ITPRID2: variants seen among roughly 807,000 people sequenced by gnomAD.
The protein encoded by ITPRID2 is protein ITPRID2.
A neutral mutation model predicts 124.3 loss-of-function variants in ITPRID2; 60 were observed. The observed-to-expected ratio is 0.48, with a 90% CI of 0.39 to 0.60. ITPRID2 has a LOEUF of 0.60. Among genes scored for constraint, ITPRID2 ranks in the 20% least tolerant of loss-of-function variants. The probability of loss-of-function intolerance (pLI) is 0.00; values close to 1 mark genes in which losing one functional copy is unlikely to be tolerated. For synonymous variants in ITPRID2, 521 were observed against 542.9 expected, an observed-to-expected ratio of 0.96 and a Z score of 0.56; for missense variants, 1,553 against 1,512.2, an observed-to-expected ratio of 1.03 and a Z score of -0.45.
chr2:181,892,426 T>C lies in ITPRID2; in HGVS notation c.211+149T>C, dbSNP rs1574182265. The C allele has an allele frequency of 2.6e-6, 3 of 1,145,180 alleles. No individual in the cohort carries two copies. Among genetic ancestry groups the C allele is most frequent in the Non-Finnish European group, 3.7e-6 (3 of 811,398 alleles). The allele number at this position is 1,145,180 out of a possible 1,614,324, so 70.9% of individuals were successfully genotyped here. On this transcript the variant is annotated intron_variant, in intron 1 of 17. Transcript: ENST00000431877. The surrounding 1 kb of genome is among the most constrained non-coding windows in gnomAD (Gnocchi z 5.2). ...ACTTCCGACCTTCAAACGCGCGCGC[T>C]GAACGAGGCGCCCCCAGCGTCAACA...
Position 181,916,225 on chromosome 2 carries a change from C to T in ITPRID2, c.2585C>T (p.Thr862Ile). 3 of 1,614,208 alleles carry T rather than the reference C, an allele frequency of 1.9e-6. No homozygotes were observed. The highest frequency in any genetic ancestry group is 2.5e-6 in the Non-Finnish European group (3 of 1,180,028). ...CAAGAAAGGCCCCTGTGTGAGCACA[C>T]AAGAACTCTGAGCACTCACAGTGTT... ...EWQERPLCEH[T>I]RTLSTHSVPN... Residue 862 changes from threonine to isoleucine, a missense_variant, in exon 11 of 18, where the codon ACA becomes ATA. Physicochemically the swap from Thr to Ile is moderately conservative, Grantham distance 89 (BLOSUM62 -1). Transcript: ENST00000431877.
rs1694287587 is a variant in ITPRID2 at position 181,919,042 on chromosome 2, A to G, written c.2993+160A>G. Among the ~76,000 whole-genome samples the G allele has an allele frequency of 6.6e-6, 1 of 152,220 alleles. No homozygotes were observed. Reference sequence around the variant, plus strand: ...GATTAGTCATAGATAGTGTTTTACTAAGTAAACTTGTATGCCTTCAATATC... The same window carrying G: ...GATTAGTCATAGATAGTGTTTTACTGAGTAAACTTGTATGCCTTCAATATC... On this transcript the variant is annotated intron_variant, in intron 13 of 17. Transcript: ENST00000431877. This position sits in a 1 kb window ranked among gnomAD's most constrained non-coding sequence, Gnocchi z 4.2.
At chr2:181,928,946 G>A (rs888018078) in intron 17 of ITPRID2, among the ~76,000 whole-genome samples, 1 of 151,964 alleles carries the variant, frequency 6.6e-6, no homozygotes, top group Non-Finnish European at 1.5e-5. Context: ...CAACTTCTAA[G>A]TATCTTTCCT....
At chr2:181,922,988 A>G (rs1694592341) in intron 16 of ITPRID2, among the ~76,000 whole-genome samples, 1 of 152,220 alleles carries the variant, frequency 6.6e-6, no homozygotes, top group African/African-American at 2.4e-5. Flanking sequence ...GATTTTAATA[A>G]GTATAAATAG....
rs1558986409 is a variant in ITPRID2, at chr2:181,902,127, A to G, written c.1074A>G (p.Thr358=). The change falls in exon 8 of 18, where the codon ACA becomes ACG. Residue 358 remains threonine (T), a synonymous_variant. Transcript: ENST00000431877. The surrounding 1 kb of genome is among the most constrained non-coding windows in gnomAD (Gnocchi z 4.4). ...AAGAGTCATCTTCTATGTTGGCTAC[A>G]GTTAAAGAAGAAGTCTCTGGTAGTT... The part of the protein sequence containing the change: ...KKKESSSMLA[T]VKEEVSGSSA... 6.2e-7 allele frequency: 1 copy of G among 1,613,280 alleles called. No homozygotes were observed. Among genetic ancestry groups the G allele is most frequent in the Non-Finnish European group, 8.5e-7 (1 of 1,179,628 alleles).
At position 181,892,349 on chromosome 2, in the gene ITPRID2, G is replaced by A. The variant is rs562479676; in HGVS notation, c.211+72G>A. On this transcript the variant is annotated intron_variant, in intron 1 of 17. Transcript: ENST00000431877. This position sits in a 1 kb window ranked among gnomAD's most constrained non-coding sequence, Gnocchi z 5.2. Reference sequence around the variant, plus strand: ...AGAGTCTCGTGCGCCCTGGGCGCCTGCCACGAGTTCTGGGAGAGCCTCGGG... The same window carrying A: ...AGAGTCTCGTGCGCCCTGGGCGCCTACCACGAGTTCTGGGAGAGCCTCGGG... 9.6e-6 allele frequency: 14 copies of A among 1,458,666 alleles called. No homozygotes were observed. In the East Asian group the frequency reaches 3.5e-4, roughly 36 times the overall value. The allele number at this position is 1,458,666 out of a possible 1,614,324, so 90.4% of individuals were successfully genotyped here.
intron 9 of ITPRID2, among the ~76,000 whole-genome samples, chr2:181,911,025 A>G (rs373395682): frequency 1.1e-4 from 16 of 152,204 alleles, no homozygotes; most frequent in African/African-American, 3.9e-4. Flanking sequence ...GAGGATAAGA[A>G]AACAATAAAA....
In ITPRID2 at chr2:181,900,914, TTAAG is replaced by T; in HGVS notation, c.712+12_712+15del. 1 of 1,597,594 alleles carries T rather than the reference TTAAG, an allele frequency of 6.3e-7. No individual in the cohort carries two copies. Among genetic ancestry groups the T allele is most frequent in the Middle Eastern group, 1.8e-4 (1 of 5,678 alleles). On this transcript the variant is annotated intron_variant, in intron 7 of 17. Transcript: ENST00000431877. Reference sequence around the variant, plus strand: ...AATTATGCTTTAACAAGTAAGATTTTTAAGTGTTAGGCATATTATTTTCTTAAAT... The same window carrying T: ...AATTATGCTTTAACAAGTAAGATTTTTGTTAGGCATATTATTTTCTTAAAT...
chr2:181,909,926 C>G lies in ITPRID2; in HGVS notation c.1441C>G (p.His481Asp), dbSNP rs369102546. The G allele has an allele frequency of 1.9e-6, 3 of 1,613,316 alleles. No homozygotes were observed. In the Admixed American group the frequency reaches 5.0e-5, roughly 27 times the overall value. Residue 481 changes from histidine (H) to aspartate (D), a missense_variant, in exon 9 of 18, where the codon CAT (histidine) becomes GAT (aspartate). By Grantham distance (81) the His-to-Asp change is moderately conservative (BLOSUM62 -1). Transcript: ENST00000431877. Reference protein sequence around the residue: ...EVQSTEGEAPHVPATYQLGLT... With the variant: ...EVQSTEGEAPDVPATYQLGLT... ...TCAAAGTACGGAGGGAGAAGCTCCTCATGTTCCAGCCACTTACCAGCTAGG... is the reference window on the plus strand; with the variant it reads ...TCAAAGTACGGAGGGAGAAGCTCCTGATGTTCCAGCCACTTACCAGCTAGG...
At chr2:181,908,572 A>G (rs928082615) in intron 8 of ITPRID2, among the ~76,000 whole-genome samples, 6 of 152,230 alleles carry the variant, frequency 3.9e-5, no homozygotes, top group African/African-American at 1.4e-4. Context: ...AAAGAATAGT[A>G]GAATCTATTT....
chr2:181,916,828 CT>C, intron 11 of ITPRID2: 1 of 1,003,102 alleles, frequency 1.0e-6, no homozygotes. Context: ...CTACCTTTTC[CT>C]TTTCCAAGTT....
At position 181,915,532 on chromosome 2, in the gene ITPRID2, C is replaced by T; in HGVS notation, c.1892C>T (p.Ala631Val). ...GAAGTGGAAGAGGATTTGTTTCCAG[C>T]AGAGACAGTAGAGCTACTGAGGGAA... ...ITEVEEDLFP[A>V]ETVELLREAS... Residue 631 changes from alanine to valine, a missense_variant, in exon 11 of 18, where the codon GCA (alanine) becomes GTA (valine). By Grantham distance (64) the Ala-to-Val change is moderately conservative. Coordinates refer to ENST00000431877, the MANE Select transcript of ITPRID2 (RefSeq NM_001130445.3). The T allele has an allele frequency of 6.2e-7, 1 of 1,614,130 alleles. No homozygotes were observed. The highest frequency in any genetic ancestry group is 1.1e-5 in the South Asian group (1 of 91,072).
rs1459459285 is a variant in ITPRID2 at position 181,921,996 on chromosome 2, C to A, written c.3259C>A (p.Leu1087Met). The A allele has an allele frequency of 1.2e-6, 2 of 1,614,184 alleles. No homozygotes were observed. Among genetic ancestry groups the A allele is most frequent in the South Asian group, 2.2e-5 (2 of 91,092 alleles). ...EQSYLKSELG[L>M]GLGEMGFEIP... Reference sequence around the variant, plus strand: ...GTCATACCTGAAGTCTGAATTGGGCCTGGGACTTGGAGAAATGGGATTTGA... The same window carrying A: ...GTCATACCTGAAGTCTGAATTGGGCATGGGACTTGGAGAAATGGGATTTGA... The change falls in exon 16 of 18, where the codon CTG becomes ATG. Residue 1087 changes from leucine to methionine, a missense_variant. Transcript: ENST00000431877.
intron 8 of ITPRID2, among the ~76,000 whole-genome samples, chr2:181,904,499 A>AGAAC (rs1692942980): frequency 6.6e-6 from 1 of 151,710 alleles, no homozygotes; most frequent in Admixed American, 6.6e-5. Flanking sequence ...CAATGGATAA[A>AGAAC]GGAAATAATG....
chr2:181,918,765 A>T lies in ITPRID2; in HGVS notation c.2876A>T (p.Gln959Leu). 6.2e-7 allele frequency: 1 copy of T among 1,613,872 alleles called. No individual in the cohort carries two copies. The highest frequency in any genetic ancestry group is 8.5e-7 in the Non-Finnish European group (1 of 1,179,928). The change falls in exon 13 of 18, where the codon CAG becomes CTG. Residue 959 changes from glutamine to leucine, a missense_variant. Physicochemically the swap from Gln to Leu is moderately radical, Grantham distance 113 (BLOSUM62 -2). Coordinates refer to ENST00000431877, the MANE Select transcript of ITPRID2 (RefSeq NM_001130445.3). ...SVLPLYENTF[Q>L]ELQVMRRSLN... The stretch of plus-strand genomic sequence containing the variant: ...TATATTGCATTCTAGAATACTTTTC[A>T]GGAGCTCCAGGTAATGAGGCGGAGC...
chr2:181,906,127 A>G (rs1354342091), intron 8 of ITPRID2, among the ~76,000 whole-genome samples: 1 of 152,250 alleles, frequency 6.6e-6, no homozygotes, highest in Non-Finnish European at 1.5e-5. Context: ...TTATAGAATC[A>G]TAAACTAGTA....
Position 181,902,437 on chromosome 2 carries a change from C to A in ITPRID2, c.1384C>A (p.Gln462Lys). ...TIPSIRNIMT[Q>K]QKDSFEMEEV... Reference sequence around the variant, plus strand: ...ACCATCCATAAGAAATATAATGACACAGCAGAAGGACTCCTTCGAAATGGA... The same window carrying A: ...ACCATCCATAAGAAATATAATGACAAAGCAGAAGGACTCCTTCGAAATGGA... The change falls in exon 8 of 18, where the codon CAG becomes AAG. Residue 462 changes from glutamine (Q) to lysine (K), a missense_variant. Gln to Lys is a moderately conservative substitution (Grantham distance 53). Coordinates refer to ENST00000431877, the MANE Select transcript of ITPRID2 (RefSeq NM_001130445.3). The surrounding 1 kb of genome is among the most constrained non-coding windows in gnomAD (Gnocchi z 4.4). 6.3e-7 allele frequency: 1 copy of A among 1,587,160 alleles called. No individual in the cohort carries two copies. Among genetic ancestry groups the A allele is most frequent in the Non-Finnish European group, 8.6e-7 (1 of 1,168,044 alleles).
chr2:181,929,591 C>T lies in ITPRID2; in HGVS notation c.*44C>T. Reference sequence around the variant, plus strand: ...CATGGATCCTATTAGCTGTGTAATACTGGAATTATCAATGATATGCACTGG... The same window carrying T: ...CATGGATCCTATTAGCTGTGTAATATTGGAATTATCAATGATATGCACTGG... On this transcript the variant is annotated 3_prime_UTR_variant, in exon 18 of 18. Transcript: ENST00000431877. 1 of 1,612,902 alleles carries T rather than the reference C, an allele frequency of 6.2e-7. No individual in the cohort carries two copies. Among genetic ancestry groups the T allele is most frequent in the Non-Finnish European group, 8.5e-7 (1 of 1,179,320 alleles).
In ITPRID2 at chr2:181,902,233, G is replaced by T; in HGVS notation, c.1180G>T (p.Glu394Ter). 1 of 1,613,074 alleles carries T rather than the reference G, an allele frequency of 6.2e-7. No homozygotes were observed. The highest frequency in any genetic ancestry group is 1.1e-5 in the South Asian group (1 of 90,912). Residue 394 changes from glutamate to a stop codon, truncating the protein, a stop_gained, in exon 8 of 18, where the codon GAA (glutamate) becomes TAA (stop). Coordinates refer to ENST00000431877, the MANE Select transcript of ITPRID2 (RefSeq NM_001130445.3). LOFTEE classifies it high-confidence loss of function. The surrounding 1 kb of genome is among the most constrained non-coding windows in gnomAD (Gnocchi z 4.4). ...TAATTTTAACCAAGGAACTGAAAAT[G>T]AACAAAGTAAAGAAACTCAAAGTCA... ...NSNFNQGTEN[E>*]QSKETQSHES...
Sources: allele counts gnomAD v4.1 joint callset (sites outside exome capture counted in the v4.1 genomes callset), GRCh38; gene constraint gnomAD v4.1.1; non-coding constraint Gnocchi (gnomAD v3.1); transcripts MANE v1.5; gene names NCBI Gene and HGNC (gene_info 2026-07-23, HGNC 2026-07-21).